Variants in SWT1 observed in about 807,000 individuals in gnomAD.
SWT1 encodes transcriptional protein SWT1.
Under a neutral mutation model 107.3 loss-of-function variants are expected in SWT1, and 33 were observed. That is an observed-to-expected ratio of 0.31 (90% CI 0.23 to 0.41). The LOEUF (loss-of-function observed/expected upper bound fraction) is 0.41. Among genes scored for constraint, SWT1 ranks in the 10% least tolerant of loss-of-function variants. SWT1 has a pLI of 1.00. For missense variants in SWT1, 898 were observed against 1,028.9 expected (o/e 0.87, Z 1.74); for synonymous variants, 345 against 348.3 (o/e 0.99, Z 0.11).
chr1:185,252,063 C>T (rs1050813222), intron 16 of SWT1, among the ~76,000 whole-genome samples: 4 of 151,808 alleles, frequency 2.6e-5, no homozygotes, highest in African/African-American at 4.8e-5. Context: ...TTTGTTCTTG[C>T]GATAGTTTAC....
rs565108507 is a variant in SWT1, at chr1:185,196,725, A to G, written c.1524-5929A>G. The stretch of plus-strand genomic sequence containing the variant: ...CATCCCTTGTAAGTTGTATTCCTAG[A>G]TATTTTATTGTCTTTGTAGCAATTG... On this transcript the variant is annotated intron_variant, in intron 10 of 18. Coordinates refer to ENST00000367500, the MANE Select transcript of SWT1 (RefSeq NM_017673.7). Among the ~76,000 whole-genome samples, 402 of 151,986 alleles carry G rather than the reference A, an allele frequency of 2.6e-3. 1 individual carries two copies. Among genetic ancestry groups the G allele is most frequent in the African/African-American group, 9.2e-3 (382 of 41,454 alleles).
At chr1:185,254,556 TTTA>T in intron 16 of SWT1, among the ~76,000 whole-genome samples, 1 of 148,688 alleles carries the variant, frequency 6.7e-6, no homozygotes, top group South Asian at 2.2e-4. Context: ...GATTTTCTAG[TTTA>T]TTTGCGTAGA....
intron 10 of SWT1, 128 bp from the exon 11 acceptor site, chr1:185,202,526 G>C (rs1425944965): frequency 3.1e-6 from 2 of 643,930 alleles, no homozygotes; most frequent in South Asian, 2.5e-5. Flanking sequence ...TAAAAAAGTT[G>C]TTATTCTTTC....
At chr1:185,231,506 G>A in intron 15 of SWT1, 71 bp from the exon 16 acceptor site, 1 of 1,078,944 alleles carries the variant, frequency 9.3e-7, no homozygotes. Context: ...TTATACATTT[G>A]CAGCTGAAAT....
chr1:185,243,526 G>A (rs1661391625), intron 16 of SWT1, among the ~76,000 whole-genome samples: 1 of 152,136 alleles, frequency 6.6e-6, no homozygotes, highest in South Asian at 2.1e-4. Flanking sequence ...CCTCAAGGGT[G>A]TTTTCCAATA....
At chr1:185,273,464 A>G (rs1484622592) in intron 17 of SWT1, among the ~76,000 whole-genome samples, 1 of 151,962 alleles carries the variant, frequency 6.6e-6, no homozygotes. Flanking sequence ...GCACTTTGGG[A>G]GGCTGAGGCA....
intron 18 of SWT1, among the ~76,000 whole-genome samples, chr1:185,284,652 G>A (rs1396379641): frequency 6.6e-6 from 1 of 152,188 alleles, no homozygotes; most frequent in East Asian, 1.9e-4. Flanking sequence ...CTCAATAGTT[G>A]ACAGATATAT....
chr1:185,194,125 A>G (rs1313213273), intron 10 of SWT1, among the ~76,000 whole-genome samples: 2 of 151,982 alleles, frequency 1.3e-5, no homozygotes, highest in African/African-American at 2.4e-5. Flanking sequence ...TTTGCTTGGT[A>G]TTTATGTGGT....
At chr1:185,227,758 C>G (rs1660184430) in intron 15 of SWT1, 1 of 430,222 alleles carries the variant, frequency 2.3e-6, no homozygotes, top group Admixed American at 2.9e-5. Flanking sequence ...CCCAGCAGCT[C>G]TAGCGGGGGA....
At chr1:185,259,945 A>G (rs1487878961) in intron 16 of SWT1, among the ~76,000 whole-genome samples, 1 of 152,196 alleles carries the variant, frequency 6.6e-6, no homozygotes, top group Non-Finnish European at 1.5e-5. Context: ...CTAAGGTTCT[A>G]TCAGCAGTAC....
At chr1:185,214,173 A>G (rs1225380359) in intron 13 of SWT1, among the ~76,000 whole-genome samples, 1 of 152,110 alleles carries the variant, frequency 6.6e-6, no homozygotes, top group Middle Eastern at 3.2e-3. Context: ...TCACCTCAGC[A>G]TTGAAATCTG....
chr1:185,255,882 T>A (rs1355163309), intron 16 of SWT1, among the ~76,000 whole-genome samples: 4 of 151,568 alleles, frequency 2.6e-5, no homozygotes. Context: ...GTCTTGATGG[T>A]CTTTACATTT....
chr1:185,173,323 TTAAAG>T (rs1307085364), intron 4 of SWT1, among the ~76,000 whole-genome samples: 1 of 152,006 alleles, frequency 6.6e-6, no homozygotes, highest in African/African-American at 2.4e-5. Flanking sequence ...CGCTAAAGTT[TTAAAG>T]TAAATAGTCA....
intron 16 of SWT1, among the ~76,000 whole-genome samples, chr1:185,238,630 C>G (rs539421831): frequency 6.6e-6 from 1 of 152,140 alleles, no homozygotes; most frequent in East Asian, 1.9e-4. Flanking sequence ...ATGCTTTTCT[C>G]TTGAGCTACC....
chr1:185,283,614 A>G (rs1664774706), intron 18 of SWT1, among the ~76,000 whole-genome samples: 1 of 152,176 alleles, frequency 6.6e-6, no homozygotes, highest in South Asian at 2.1e-4. Flanking sequence ...TCAGCCTCAA[A>G]GTACCTGACT....
At chr1:185,229,747 C>T (rs985372491) in intron 15 of SWT1, among the ~76,000 whole-genome samples, 6 of 151,910 alleles carry the variant, frequency 3.9e-5, no homozygotes, top group African/African-American at 1.2e-4. Context: ...ATTACATATT[C>T]TCTTTTTACA....
intron 5 of SWT1, 92 bp from the exon 6 acceptor site, chr1:185,180,299 T>C (rs777704527): frequency 3.0e-6 from 3 of 1,007,190 alleles, no homozygotes; most frequent in Non-Finnish European, 4.7e-6. Context: ...CTAAAGTGAA[T>C]TATCTGACCC....
intron 17 of SWT1, among the ~76,000 whole-genome samples, chr1:185,275,297 G>T (rs951516116): frequency 6.6e-6 from 1 of 151,884 alleles, no homozygotes; most frequent in African/African-American, 2.4e-5. Flanking sequence ...CAGCCCTTAG[G>T]AGAAGGCAGA....
At position 185,160,864 on chromosome 1, in the gene SWT1, G is replaced by T; in HGVS notation, c.23G>T (p.Gly8Val). ...AGGATGTCCAGCAAAGAATCCTGTG[G>T]GAAAAAAGAGACATCTCAGAGGAAA... is the stretch of plus-strand genomic sequence containing the variant. The part of the protein sequence containing the change: MSSKESC[G>V]KKETSQRKDT... The change falls in exon 2 of 19, where the codon GGG (glycine) becomes GTG (valine). Residue 8 changes from glycine (G) to valine (V), a missense_variant. Transcript: ENST00000367500. 1 of 1,612,276 alleles carries T rather than the reference G, an allele frequency of 6.2e-7. No homozygotes were observed. Among genetic ancestry groups the T allele is most frequent in the Non-Finnish European group, 8.5e-7 (1 of 1,179,308 alleles).
Sources: allele counts gnomAD v4.1 joint callset (sites outside exome capture counted in the v4.1 genomes callset), GRCh38; gene constraint gnomAD v4.1.1; transcripts MANE v1.5; gene names NCBI Gene and HGNC (gene_info 2026-07-23, HGNC 2026-07-21).